Variants in ATP8A2 observed in about 807,000 individuals in gnomAD.
ATP8A2 encodes ATPase phospholipid transporting 8A2, also known as phospholipid-transporting ATPase IB.
A neutral mutation model predicts 165.6 loss-of-function variants in ATP8A2; 100 were observed. The ratio of observed to expected loss-of-function variants is 0.60; its 90% CI spans 0.51 to 0.71. The LOEUF (loss-of-function observed/expected upper bound fraction) is 0.71. Among genes scored for constraint, ATP8A2 ranks in the 30% least tolerant of loss-of-function variants. The probability of loss-of-function intolerance (pLI) is 0.00; values close to 1 mark genes in which losing one functional copy is unlikely to be tolerated. For synonymous variants in ATP8A2, 543 were observed against 548.8 expected, an observed-to-expected ratio of 0.99 and a Z score of 0.15; for missense variants, 1,227 against 1,479.5, an observed-to-expected ratio of 0.83 and a Z score of 2.80.
intron 27 of ATP8A2, among the ~76,000 whole-genome samples, chr13:25,787,280 AT>A (rs2138384579): frequency 6.6e-6 from 1 of 152,304 alleles, no homozygotes; most frequent in East Asian, 1.9e-4. Context: ...ATAGTTTTGC[AT>A]TTCTCAGAAT....
At chr13:25,604,779 T>C (rs139833642) in intron 24 of ATP8A2, among the ~76,000 whole-genome samples, 6 of 152,340 alleles carry the variant, frequency 3.9e-5, no homozygotes, top group Non-Finnish European at 5.9e-5. Context: ...TGTAGCTACA[T>C]AACAAATCAT....
At chr13:25,558,350 G>A (rs7322432) in intron 13 of ATP8A2, among the ~76,000 whole-genome samples, 85,511 of 149,616 alleles carry the variant, frequency 0.57, 25,141 homozygotes, top group Middle Eastern at 0.64. Flanking sequence ...TAAGGTACGA[G>A]TATTATATGT....
Position 25,825,145 on chromosome 13 carries a change from CTTTTTTTTTT to C in ATP8A2, c.2680-2953_2680-2944del, listed in dbSNP as rs60778003. 1.2e-3 allele frequency among the ~76,000 whole-genome samples: 34 copies of C among 27,510 alleles called. No homozygotes were observed. The South Asian group carries it at 0.043, about 35-fold the overall frequency. 18.0% of individuals were successfully genotyped at this position (27,510 alleles called of 152,430 possible). On this transcript the variant is annotated intron_variant, in intron 27 of 36. Coordinates refer to ENST00000381655, the MANE Select transcript of ATP8A2 (RefSeq NM_016529.6). ...CATAGTTTCATTGTGTATGTGTTTG[CTTTTTTTTTT>C]TTTTTTTTTTTTTTTTTTTGAGACA... is the stretch of plus-strand genomic sequence containing the variant.
intron 24 of ATP8A2, among the ~76,000 whole-genome samples, chr13:25,625,181 A>T (rs1310871221): frequency 6.6e-6 from 1 of 152,226 alleles, no homozygotes; most frequent in Non-Finnish European, 1.5e-5. Flanking sequence ...GATACTCTTC[A>T]TGAGGAGTGA....
chr13:25,922,612 C>T (rs1954490569), intron 33 of ATP8A2, among the ~76,000 whole-genome samples: 1 of 152,216 alleles, frequency 6.6e-6, no homozygotes, highest in Admixed American at 6.5e-5. Context: ...GTTATACACT[C>T]GCATTCCCGG....
intron 33 of ATP8A2, among the ~76,000 whole-genome samples, chr13:25,897,358 G>T (rs966706614): frequency 8.5e-5 from 13 of 152,084 alleles, no homozygotes; most frequent in Non-Finnish European, 1.8e-4. Context: ...TTGAATATTG[G>T]CCCCCACTCT....
chr13:25,465,253 T>G (rs1043438999), intron 1 of ATP8A2, among the ~76,000 whole-genome samples: 11 of 152,162 alleles, frequency 7.2e-5, no homozygotes, highest in Admixed American at 2.0e-4. Context: ...TGAAAATTTT[T>G]TTTTCTAATA....
chr13:25,657,618 C>G (rs1593149896), intron 24 of ATP8A2, among the ~76,000 whole-genome samples: 1 of 152,178 alleles, frequency 6.6e-6, no homozygotes, highest in South Asian at 2.1e-4. Flanking sequence ...CTGGCTGCAA[C>G]CACACTAGTT....
chr13:25,492,992 T>C (rs578078174), intron 2 of ATP8A2, among the ~76,000 whole-genome samples: 71 of 152,366 alleles, frequency 4.7e-4, no homozygotes, highest in Non-Finnish European at 9.1e-4. Flanking sequence ...GTATTCTCCA[T>C]AGGCTCCAAA....
At chr13:25,515,237 C>T (rs1030112311) in intron 2 of ATP8A2, among the ~76,000 whole-genome samples, 2 of 152,248 alleles carry the variant, frequency 1.3e-5, no homozygotes, top group Non-Finnish European at 2.9e-5. Flanking sequence ...CATTGGCCCT[C>T]TTGCCCATTC....
intron 24 of ATP8A2, among the ~76,000 whole-genome samples, chr13:25,667,740 A>T (rs530779105): frequency 1.3e-5 from 2 of 152,084 alleles, no homozygotes; most frequent in East Asian, 3.9e-4. Context: ...GGCTGCTTTC[A>T]CTTAACATCT....
At chr13:25,426,585 C>T (rs2034453879) in intron 1 of ATP8A2, among the ~76,000 whole-genome samples, 1 of 152,274 alleles carries the variant, frequency 6.6e-6, no homozygotes, top group South Asian at 2.1e-4. Flanking sequence ...TCATTATACA[C>T]TTGTCCAGAC....
chr13:25,842,270 G>A (rs1212216008), intron 30 of ATP8A2, among the ~76,000 whole-genome samples: 1 of 152,146 alleles, frequency 6.6e-6, no homozygotes, highest in Non-Finnish European at 1.5e-5. Flanking sequence ...CAAGCAAAGT[G>A]GGGAAATCAG....
intron 1 of ATP8A2, among the ~76,000 whole-genome samples, chr13:25,384,636 T>A (rs966528063): frequency 6.6e-5 from 10 of 151,986 alleles, no homozygotes; most frequent in Admixed American, 2.0e-4. Flanking sequence ...TTTCAACAAT[T>A]ATTTTTTTTC....
intron 2 of ATP8A2, among the ~76,000 whole-genome samples, chr13:25,497,785 C>G (rs2036723352): frequency 6.6e-6 from 1 of 151,778 alleles, no homozygotes; most frequent in Non-Finnish European, 1.5e-5. Flanking sequence ...GAAACCCTGT[C>G]TCTACTAAAA....
intron 24 of ATP8A2, among the ~76,000 whole-genome samples, chr13:25,637,830 C>T (rs4770852): frequency 0.31 from 47,477 of 152,132 alleles, 9,540 homozygotes; most frequent in Non-Finnish European, 0.44. Flanking sequence ...CCCTGACCCC[C>T]GAGTAGCCTA....
chr13:25,921,337 G>A (rs1163021466), intron 33 of ATP8A2, among the ~76,000 whole-genome samples: 4 of 151,946 alleles, frequency 2.6e-5, no homozygotes, highest in African/African-American at 7.3e-5. Context: ...CTGAGTTGAG[G>A]CCAGGCACGG....
intron 27 of ATP8A2, among the ~76,000 whole-genome samples, chr13:25,819,411 A>G (rs1003480363): frequency 1.3e-5 from 2 of 152,138 alleles, no homozygotes; most frequent in Admixed American, 1.3e-4. Context: ...AGGGTGTCTT[A>G]CTACTACTAC....
intron 1 of ATP8A2, among the ~76,000 whole-genome samples, chr13:25,429,371 TAA>T (rs751056483): frequency 7.1e-5 from 9 of 126,044 alleles, no homozygotes; most frequent in South Asian, 2.4e-4. Flanking sequence ...GACTCCATCT[TAA>T]AAAAAAAAAA....
Sources: gnomAD v4.1 joint callset for allele counts (sites outside exome capture counted in the v4.1 genomes callset) on GRCh38, gnomAD v4.1.1 for gene constraint, MANE v1.5 for transcripts, NCBI Gene and HGNC (gene_info 2026-07-23, HGNC 2026-07-21) for gene names.